CRYZL1: variants seen among roughly 807,000 people sequenced by gnomAD.
The protein encoded by CRYZL1 is crystallin zeta like 1, also known as ferry endosomal RAB5 effector complex subunit 4.
A neutral mutation model predicts 50.6 loss-of-function variants in CRYZL1; 34 were observed. The ratio of observed to expected loss-of-function variants is 0.67; its 90% CI spans 0.51 to 0.89. CRYZL1 has a LOEUF of 0.89. CRYZL1 is among the 40% of genes least tolerant of loss of function. The pLI, the probability that CRYZL1 is intolerant of heterozygous loss-of-function variation, is 0.00. For synonymous variants in CRYZL1, 125 were observed against 134.3 expected (o/e 0.93, Z 0.48); for missense variants, 354 against 402.3 (o/e 0.88, Z 1.03).
At chr21:33,600,730 A>T (rs1317303362) in intron 8 of CRYZL1, among the ~76,000 whole-genome samples, 1 of 148,798 alleles carries the variant, frequency 6.7e-6, no homozygotes, top group Non-Finnish European at 1.5e-5. Context: ...GGTTCACGCC[A>T]TTCTCCTGCC....
At chr21:33,615,606 C>A (rs1167055154) in intron 5 of CRYZL1, among the ~76,000 whole-genome samples, 1 of 151,938 alleles carries the variant, frequency 6.6e-6, no homozygotes, top group African/African-American at 2.4e-5. Flanking sequence ...AAAGTCATAG[C>A]CTATGTTTGT....
At position 33,624,677 on chromosome 21, in the gene CRYZL1, C is replaced by T; in HGVS notation, c.144+6G>A. 3 of 1,607,692 alleles carry T rather than the reference C, an allele frequency of 1.9e-6. No homozygotes were observed. The highest frequency in any genetic ancestry group is 2.5e-6 in the Non-Finnish European group (3 of 1,178,190). On this transcript the variant is annotated splice_donor_region_variant and intron_variant, in intron 3 of 12. Coordinates refer to ENST00000381554, the MANE Select transcript of CRYZL1 (RefSeq NM_145858.3). Reference sequence around the variant, plus strand: ...TTACTTTGTGCCATAATAAAAGAACCAATACCTTTGTATTTATCTGGCTCA... The same window carrying T: ...TTACTTTGTGCCATAATAAAAGAACTAATACCTTTGTATTTATCTGGCTCA...
At chr21:33,612,845 T>C (rs80098044) in intron 6 of CRYZL1, among the ~76,000 whole-genome samples, 5 of 152,144 alleles carry the variant, frequency 3.3e-5, no homozygotes, top group Admixed American at 2.0e-4. Flanking sequence ...TCTTTTTTTT[T>C]CTTTTTTGAG....
Position 33,631,528 on chromosome 21 carries a change from C to A in CRYZL1, c.24G>T (p.Gln8His). Residue 8 changes from glutamine (Q) to histidine (H), a missense_variant, in exon 2 of 13, where the codon CAG becomes CAT. Gln to His is a conservative substitution (Grantham distance 24). Transcript: ENST00000381554. ...ATGTTATTTCTTCATCTGTGGAACT[C>A]TGTTGGAAATATAAGCCTTTCATAG... is the stretch of plus-strand genomic sequence containing the variant. MKGLYFQQSSTDEEITFV... is the reference protein window; with the variant it reads MKGLYFQHSSTDEEITFV... The A allele has an allele frequency of 6.6e-7, 1 of 1,517,076 alleles. No individual in the cohort carries two copies. Among genetic ancestry groups the A allele is most frequent in the Non-Finnish European group, 8.8e-7 (1 of 1,137,922 alleles). The allele number at this position is 1,517,076 out of a possible 1,614,324, so 94.0% of individuals were successfully genotyped here.
intron 1 of CRYZL1, chr21:33,639,805 T>G (rs1405398243): frequency 1.9e-5 from 3 of 156,630 alleles, no homozygotes; most frequent in African/African-American, 7.2e-5. Context: ...AATACCATAT[T>G]TTAGCATATA....
chr21:33,592,413 A>G (rs2086653206), intron 11 of CRYZL1, among the ~76,000 whole-genome samples: 1 of 152,122 alleles, frequency 6.6e-6, no homozygotes, highest in Middle Eastern at 3.2e-3. Flanking sequence ...CTGGGATTAC[A>G]GGCATGAGCC....
intron 11 of CRYZL1, 107 bp downstream of exon 11, chr21:33,595,624 A>G: frequency 3.3e-6 from 5 of 1,517,942 alleles, no homozygotes; most frequent in Non-Finnish European, 4.5e-6. Context: ...TGTTTGGAAT[A>G]CTTAAGGAAA....
intron 6 of CRYZL1, among the ~76,000 whole-genome samples, chr21:33,612,318 C>T (rs2086880677): frequency 6.6e-6 from 1 of 150,648 alleles, no homozygotes; most frequent in African/African-American, 2.4e-5. Context: ...TGAAGTCTCA[C>T]TCTTGTCACC....
At position 33,589,634 on chromosome 21, in the gene CRYZL1, TC is replaced by T. The variant is rs1399005686; in HGVS notation, c.*187del. 1.8e-6 allele frequency: 1 copy of T among 570,416 alleles called. No homozygotes were observed. The highest frequency in any genetic ancestry group is 3.3e-5 in the Admixed American group (1 of 30,262). The allele number at this position is 570,416 out of a possible 1,614,324, so 35.3% of individuals were successfully genotyped here. A position where few individuals can be genotyped will look rare whatever the true frequency, so the allele number is the denominator to read the frequency against. ...GATGTTAATTATAGAATTATCTTGA[TC>T]ATTTGCACAAGAATTTTTCAAACAC... On this transcript the variant is annotated 3_prime_UTR_variant, in exon 13 of 13. Coordinates refer to ENST00000381554, the MANE Select transcript of CRYZL1 (RefSeq NM_145858.3).
At chr21:33,638,558 A>G (rs577761224) in intron 1 of CRYZL1, among the ~76,000 whole-genome samples, 14 of 152,316 alleles carry the variant, frequency 9.2e-5, no homozygotes, top group African/African-American at 3.4e-4. Context: ...ACAGTTGAGG[A>G]TATCTCTACA....
intron 1 of CRYZL1, among the ~76,000 whole-genome samples, chr21:33,637,775 A>ATATC (rs2087227246): frequency 6.8e-6 from 1 of 146,602 alleles, no homozygotes. Flanking sequence ...ATATATATAT[A>ATATC]TATATATATA....
chr21:33,629,289 T>A (rs1423140491), intron 2 of CRYZL1, among the ~76,000 whole-genome samples: 1 of 151,950 alleles, frequency 6.6e-6, no homozygotes, highest in Non-Finnish European at 1.5e-5. Context: ...GGAGATGGAG[T>A]CTTGCTCTGT....
intron 6 of CRYZL1, among the ~76,000 whole-genome samples, chr21:33,608,945 C>T (rs1038113309): frequency 2.0e-5 from 3 of 152,208 alleles, no homozygotes; most frequent in African/African-American, 2.4e-5. Context: ...TCCATAATGA[C>T]TGTACTAGTT....
chr21:33,604,903 T>C (rs897588407), intron 6 of CRYZL1, among the ~76,000 whole-genome samples: 13 of 152,220 alleles, frequency 8.5e-5, no homozygotes, highest in African/African-American at 3.1e-4. Flanking sequence ...TATCTGTTCC[T>C]TAACTACACC....
At chr21:33,626,151 G>A (rs1312567961) in intron 2 of CRYZL1, among the ~76,000 whole-genome samples, 1 of 151,580 alleles carries the variant, frequency 6.6e-6, no homozygotes, top group Non-Finnish European at 1.5e-5. Flanking sequence ...AGAAGATGGG[G>A]TTTCACCATG....
chr21:33,592,659 G>A (rs2086655038), intron 11 of CRYZL1, among the ~76,000 whole-genome samples: 1 of 152,218 alleles, frequency 6.6e-6, no homozygotes, highest in African/African-American at 2.4e-5. Context: ...GTTGGAAGGA[G>A]ATGTCTCTGT....
chr21:33,608,741 A>G (rs909939453), intron 6 of CRYZL1, among the ~76,000 whole-genome samples: 5 of 152,206 alleles, frequency 3.3e-5, no homozygotes, highest in African/African-American at 1.2e-4. Flanking sequence ...TCCATTGTGT[A>G]TATCTATATC....
chr21:33,615,828 T>TTCAG (rs1171532066), intron 5 of CRYZL1, among the ~76,000 whole-genome samples: 5 of 152,188 alleles, frequency 3.3e-5, no homozygotes, highest in South Asian at 2.1e-4. Context: ...CCCTAAAGAC[T>TTCAG]TCAGTCTGGC....
intron 4 of CRYZL1, among the ~76,000 whole-genome samples, chr21:33,618,192 G>C (rs1159061241): frequency 6.6e-6 from 1 of 151,866 alleles, no homozygotes; most frequent in Non-Finnish European, 1.5e-5. Flanking sequence ...GGGAGGCTGA[G>C]GCGGGAGGAT....
Sources: allele counts gnomAD v4.1 joint callset (sites outside exome capture counted in the v4.1 genomes callset), GRCh38; gene constraint gnomAD v4.1.1; transcripts MANE v1.5; gene names NCBI Gene and HGNC (gene_info 2026-07-23, HGNC 2026-07-21).